Variants in SLC15A4 observed in about 807,000 individuals in gnomAD.
The protein encoded by SLC15A4 is hPHT1.
A neutral mutation model predicts 46.1 loss-of-function variants in SLC15A4; 26 were observed. That is an observed-to-expected ratio of 0.56 (90% confidence interval 0.41 to 0.78). The LOEUF (loss-of-function observed/expected upper bound fraction) is 0.78, where lower values mean the gene tolerates loss of function less well. Among genes scored for constraint, SLC15A4 ranks in the 30% least tolerant of loss-of-function variants. SLC15A4 has a pLI of 0.00. For synonymous variants in SLC15A4, 370 were observed against 333.4 expected (o/e 1.11, Z -1.20); for missense variants, 751 against 755.7 (o/e 0.99, Z 0.07).
intron 5 of SLC15A4, among the ~76,000 whole-genome samples, chr12:128,808,180 A>G (rs1955611875): frequency 6.6e-6 from 1 of 152,254 alleles, no homozygotes; most frequent in Non-Finnish European, 1.5e-5. Flanking sequence ...ATTTCAGCAC[A>G]TAAAAATTAT....
chr12:128,799,134 G>C (rs971319395), intron 7 of SLC15A4, 125 bp downstream of exon 7: 1 of 963,754 alleles, frequency 1.0e-6, no homozygotes, highest in Admixed American at 2.0e-5. Context: ...TGGAAGGAGC[G>C]GTGGACAGGC....
chr12:128,814,713 A>G, intron 2 of SLC15A4, 62 bp downstream of exon 2: 2 of 1,541,118 alleles, frequency 1.3e-6, no homozygotes, highest in Non-Finnish European at 1.8e-6. Flanking sequence ...CGAAGCTAGG[A>G]TGTTAATAAA....
chr12:128,796,841 G>A (rs542199732), intron 7 of SLC15A4, among the ~76,000 whole-genome samples: 4 of 152,172 alleles, frequency 2.6e-5, no homozygotes, highest in Non-Finnish European at 4.4e-5. Context: ...AAAACTTCCC[G>A]AGCTAAAGCT....
At chr12:128,796,882 A>G (rs1484301930) in intron 7 of SLC15A4, among the ~76,000 whole-genome samples, 2 of 152,244 alleles carry the variant, frequency 1.3e-5, no homozygotes, top group African/African-American at 4.8e-5. Context: ...GGCTGAGGCC[A>G]CATGAACTGA....
rs1276696321 is a variant in SLC15A4 at position 128,793,470 on chromosome 12, G to A, written c.*726C>T. ...AAGCTATATATAAGCACTCTGACTA[G>A]GTAAGGTGTGAAGTACCCCGTGAGT... On this transcript the variant is annotated 3_prime_UTR_variant, in exon 8 of 8. Transcript: ENST00000266771. 1 of 152,170 alleles carries A rather than the reference G, an allele frequency of 6.6e-6. No homozygotes were observed. The highest frequency in any genetic ancestry group is 2.4e-5 in the African/African-American group (1 of 41,454). 9.4% of individuals were successfully genotyped at this position (152,170 alleles called of 1,614,324 possible). A position where few individuals can be genotyped will look rare whatever the true frequency, so the allele number is the denominator to read the frequency against.
chr12:128,803,261 C>A (rs897958460), intron 5 of SLC15A4, among the ~76,000 whole-genome samples: 1 of 151,976 alleles, frequency 6.6e-6, no homozygotes, highest in Non-Finnish European at 1.5e-5. Flanking sequence ...AGAGGACAGG[C>A]CAGGATGTAT....
At chr12:128,814,544 G>A (rs967093310) in intron 2 of SLC15A4, 13 of 505,162 alleles carry the variant, frequency 2.6e-5, no homozygotes, top group East Asian at 1.2e-4. Flanking sequence ...AAAGTGCAAC[G>A]TGGGGTTAAA....
At chr12:128,801,095 G>A (rs920430479) in intron 5 of SLC15A4, 86 bp from the exon 6 acceptor site, 11 of 1,267,716 alleles carry the variant, frequency 8.7e-6, no homozygotes, top group Admixed American at 2.3e-5. Context: ...ACGAGACTTC[G>A]TAGCAAACGT....
chr12:128,822,126 G>T (rs1048363333), intron 1 of SLC15A4, among the ~76,000 whole-genome samples: 5 of 151,954 alleles, frequency 3.3e-5, no homozygotes, highest in African/African-American at 9.7e-5. Context: ...TTTCTGAAAC[G>T]ATCTGACTTT....
chr12:128,806,099 G>A (rs895997433), intron 5 of SLC15A4, among the ~76,000 whole-genome samples: 3 of 147,814 alleles, frequency 2.0e-5, no homozygotes, highest in Non-Finnish European at 3.0e-5. Flanking sequence ...GAACCCGGTA[G>A]GCAGAGCTTG....
chr12:128,802,285 C>T (rs543394009), intron 5 of SLC15A4, among the ~76,000 whole-genome samples: 1 of 152,124 alleles, frequency 6.6e-6, no homozygotes, highest in Non-Finnish European at 1.5e-5. Flanking sequence ...GCCTTCCTCC[C>T]GACAGGGCAG....
At chr12:128,807,905 A>G (rs1041974430) in intron 5 of SLC15A4, among the ~76,000 whole-genome samples, 3 of 152,238 alleles carry the variant, frequency 2.0e-5, no homozygotes, top group African/African-American at 7.2e-5. Flanking sequence ...TACTATATCA[A>G]TACATTCAGT....
intron 7 of SLC15A4, among the ~76,000 whole-genome samples, chr12:128,794,751 T>C (rs190816076): frequency 6.6e-6 from 1 of 152,348 alleles, no homozygotes; most frequent in East Asian, 1.9e-4. Flanking sequence ...ACGGAGAGTG[T>C]GCCTAAGGCC....
At chr12:128,803,590 A>G (rs1955544109) in intron 5 of SLC15A4, among the ~76,000 whole-genome samples, 1 of 152,224 alleles carries the variant, frequency 6.6e-6, no homozygotes, top group African/African-American at 2.4e-5. Context: ...ACTATGGATG[A>G]CACATAGTAT....
Position 128,809,473 on chromosome 12 carries a change from T to A in SLC15A4, c.1012A>T (p.Met338Leu). 1 of 1,599,346 alleles carries A rather than the reference T, an allele frequency of 6.3e-7. No individual in the cohort carries two copies. Among genetic ancestry groups the A allele is most frequent in the Non-Finnish European group, 8.5e-7 (1 of 1,172,134 alleles). The change falls in exon 4 of 8, where the codon ATG (methionine) becomes TTG (leucine). Residue 338 changes from methionine to leucine, a missense_variant and splice_region_variant. By Grantham distance (15) the Met-to-Leu change is conservative. Coordinates refer to ENST00000266771, the MANE Select transcript of SLC15A4 (RefSeq NM_145648.4). ...CTCTGTAAAACATATGTTGTCTGCATCTAGGTATAAAAAACAGTATCATTA... is the reference window on the plus strand; with the variant it reads ...CTCTGTAAAACATATGTTGTCTGCAACTAGGTATAAAAAACAGTATCATTA... Reference protein sequence around the residue: ...LIPYWTVYFQMQTTYVLQSLH... With the variant: ...LIPYWTVYFQLQTTYVLQSLH...
chr12:128,801,996 A>G (rs955776054), intron 5 of SLC15A4, among the ~76,000 whole-genome samples: 1 of 152,196 alleles, frequency 6.6e-6, no homozygotes. Flanking sequence ...CTCAACTGAA[A>G]TGCCAAGCAA....
At chr12:128,812,324 T>C (rs1004484416) in intron 2 of SLC15A4, among the ~76,000 whole-genome samples, 12 of 152,078 alleles carry the variant, frequency 7.9e-5, no homozygotes, top group Non-Finnish European at 1.6e-4. Context: ...TTTTTTTATT[T>C]TATTTTTTCG....
chr12:128,806,037 T>C (rs7306204), intron 5 of SLC15A4, among the ~76,000 whole-genome samples: 105,052 of 151,048 alleles, frequency 0.7, 37,024 homozygotes, highest in East Asian at 0.77. Context: ...GGCATGGTGG[T>C]GGGCACCTGT....
chr12:128,821,100 C>T (rs1435767429), intron 1 of SLC15A4, among the ~76,000 whole-genome samples: 2 of 152,222 alleles, frequency 1.3e-5, no homozygotes, highest in South Asian at 2.1e-4. Flanking sequence ...CAGATGCTGG[C>T]GCCCTGCTTC....
Sources: gnomAD v4.1 joint callset for allele counts (sites outside exome capture counted in the v4.1 genomes callset) on GRCh38, gnomAD v4.1.1 for gene constraint, MANE v1.5 for transcripts, NCBI Gene and HGNC (gene_info 2026-07-23, HGNC 2026-07-21) for gene names.